The following PEAK1 variants were observed in gnomAD, a reference collection of about 807,000 sequenced individuals.
PEAK1 encodes inactive tyrosine-protein kinase PEAK1.
PEAK1 carries 54 observed loss-of-function variants against 124.7 expected under a neutral mutation model. The observed-to-expected ratio is 0.43, with a 90% CI of 0.35 to 0.54. The LOEUF (loss-of-function observed/expected upper bound fraction) is 0.54. PEAK1 is among the 20% of genes least tolerant of loss of function. The probability of loss-of-function intolerance (pLI) is 0.01; values close to 1 mark genes in which losing one functional copy is unlikely to be tolerated. For synonymous variants in PEAK1, 719 were observed against 760.0 expected, an observed-to-expected ratio of 0.95 and a Z score of 0.89; for missense variants, 2,046 against 2,134.5, an observed-to-expected ratio of 0.96 and a Z score of 0.82.
At chr15:77,153,070 G>C (rs1036835978) in intron 8 of PEAK1, among the ~76,000 whole-genome samples, 9 of 152,012 alleles carry the variant, frequency 5.9e-5, no homozygotes, top group Non-Finnish European at 1.0e-4. Context: ...AATGGTACCA[G>C]CTCCTCCTTG....
At position 77,236,267 on chromosome 15, in the gene PEAK1, C is replaced by T. The variant is rs376766799; in HGVS notation, c.-115+16100G>A. 1.2e-3 allele frequency among the ~76,000 whole-genome samples: 189 copies of T among 152,296 alleles called. 1 individual carries two copies. The highest frequency in any genetic ancestry group is 4.1e-3 in the African/African-American group (169 of 41,568). On this transcript the variant is annotated intron_variant, in intron 6 of 9. Coordinates refer to ENST00000682557, the MANE Select transcript of PEAK1 (RefSeq NM_001385026.1). ...TGCCAGCCTGTGAAAGCAGCTGGGA[C>T]GGGGACTGTACCCTGCAAAGCTGCA... is the stretch of plus-strand genomic sequence containing the variant.
chr15:77,336,979 A>G, intron 2 of PEAK1: 1 of 380,666 alleles, frequency 2.6e-6, no homozygotes, highest in Non-Finnish European at 3.6e-6. Context: ...TAAACACTAT[A>G]TAATATTTTC....
chr15:77,333,018 T>G (rs868224790), intron 2 of PEAK1: 11 of 933,888 alleles, frequency 1.2e-5, no homozygotes, highest in Non-Finnish European at 1.4e-5. Flanking sequence ...GACTTATAAG[T>G]GCTCTTCATA....
intron 2 of PEAK1, among the ~76,000 whole-genome samples, chr15:77,313,716 G>A (rs1353923800): frequency 1.6e-4 from 19 of 116,230 alleles, no homozygotes; most frequent in Admixed American, 2.8e-4. Context: ...GTATGTGTGT[G>A]TGTGTGTGTG....
intron 6 of PEAK1, among the ~76,000 whole-genome samples, chr15:77,226,419 G>A (rs2059679777): frequency 1.3e-5 from 2 of 151,792 alleles, no homozygotes; most frequent in Non-Finnish European, 2.9e-5. Flanking sequence ...CAACTAGTAA[G>A]TTTATGTCCC....
intron 2 of PEAK1, among the ~76,000 whole-genome samples, chr15:77,313,652 ATGTGTGTGTGTGTGTGTGTG>A (rs775220459): frequency 2.2e-5 from 2 of 90,602 alleles, no homozygotes; most frequent in Admixed American, 1.3e-4. Flanking sequence ...GTATGTATGT[ATGTGTGTGTGTGTGTGTGTG>A]TGTGTGTGTG....
intron 1 of PEAK1, among the ~76,000 whole-genome samples, chr15:77,392,832 T>A (rs977999072): frequency 5.9e-5 from 9 of 152,190 alleles, no homozygotes; most frequent in African/African-American, 2.2e-4. Context: ...AAAAATCATC[T>A]GATTTTTTAA....
intron 2 of PEAK1, among the ~76,000 whole-genome samples, chr15:77,354,724 T>C (rs752559160): frequency 1.1e-4 from 17 of 152,290 alleles, no homozygotes; most frequent in Non-Finnish European, 2.2e-4. Context: ...TACGTTTTTG[T>C]CCATTAATTT....
At chr15:77,336,551 G>T in intron 2 of PEAK1, 1 of 985,400 alleles carries the variant, frequency 1.0e-6, no homozygotes, top group Non-Finnish European at 1.2e-6. Context: ...TAGAGTCTGT[G>T]AATCCTCATG....
intron 9 of PEAK1, among the ~76,000 whole-genome samples, chr15:77,125,330 A>G (rs895976363): frequency 2.0e-5 from 3 of 152,222 alleles, no homozygotes; most frequent in African/African-American, 7.2e-5. Flanking sequence ...CAGTAGGTAT[A>G]GCGTGCAACA....
chr15:77,168,573 T>C (rs2056290384), intron 7 of PEAK1, among the ~76,000 whole-genome samples: 1 of 152,250 alleles, frequency 6.6e-6, no homozygotes, highest in South Asian at 2.1e-4. Context: ...AAGTTGGATC[T>C]GGCCCATCGG....
intron 2 of PEAK1, among the ~76,000 whole-genome samples, chr15:77,358,532 C>A (rs2067672593): frequency 6.6e-6 from 1 of 152,218 alleles, no homozygotes; most frequent in African/African-American, 2.4e-5. Flanking sequence ...AACACTGCCA[C>A]CCTTTTCGAA....
chr15:77,151,629 T>C (rs914365432), intron 8 of PEAK1, among the ~76,000 whole-genome samples: 2 of 152,150 alleles, frequency 1.3e-5, no homozygotes, highest in African/African-American at 4.8e-5. Context: ...TCTTCTAGGG[T>C]TTTTATGGTT....
At chr15:77,145,073 T>C (rs2054076742) in intron 8 of PEAK1, among the ~76,000 whole-genome samples, 1 of 152,228 alleles carries the variant, frequency 6.6e-6, no homozygotes, top group Non-Finnish European at 1.5e-5. Context: ...TGGACAAATA[T>C]GTTTGACTAA....
chr15:77,394,595 T>C (rs1236450156), intron 1 of PEAK1, among the ~76,000 whole-genome samples: 1 of 152,318 alleles, frequency 6.6e-6, no homozygotes, highest in Non-Finnish European at 1.5e-5. Context: ...AATGCAGACA[T>C]GGCTGCAGTA....
intron 2 of PEAK1, among the ~76,000 whole-genome samples, chr15:77,338,630 T>A: frequency 1.5e-5 from 1 of 65,796 alleles, no homozygotes; most frequent in African/African-American, 7.6e-5. Context: ...ACATGAAAAA[T>A]CTTTAAAAAA....
At chr15:77,418,876 A>G in intron 1 of PEAK1, 1 of 985,440 alleles carries the variant, frequency 1.0e-6, no homozygotes, top group Non-Finnish European at 1.2e-6. Context: ...AGTAGGCCCC[A>G]AAACAGAATC....
intron 2 of PEAK1, among the ~76,000 whole-genome samples, chr15:77,305,672 A>C (rs1346453599): frequency 6.6e-6 from 1 of 152,192 alleles, no homozygotes; most frequent in African/African-American, 2.4e-5. Flanking sequence ...TGCTATAGTT[A>C]TCTCTCATTA....
chr15:77,215,131 A>G (rs2059090291), intron 6 of PEAK1, among the ~76,000 whole-genome samples: 1 of 152,304 alleles, frequency 6.6e-6, no homozygotes, highest in East Asian at 1.9e-4. Flanking sequence ...TCTTTTGCTA[A>G]AATTCACATT....
Sources: allele counts gnomAD v4.1 joint callset (sites outside exome capture counted in the v4.1 genomes callset), GRCh38; gene constraint gnomAD v4.1.1; transcripts MANE v1.5; gene names NCBI Gene and HGNC (gene_info 2026-07-23, HGNC 2026-07-21).